Variants in ADAMTS9 observed in about 807,000 individuals in gnomAD.
ADAMTS9 encodes the protein A disintegrin and metalloproteinase with thrombospondin motifs 9.
Under a neutral mutation model 257.1 loss-of-function variants are expected in ADAMTS9, and 107 were observed. The observed-to-expected ratio is 0.42, with a 90% CI of 0.36 to 0.49. The LOEUF is 0.49. Ranked by LOEUF, ADAMTS9 falls within the 20% of genes least tolerant of loss-of-function variation. ADAMTS9 has a pLI of 0.03. For synonymous variants in ADAMTS9, 982 were observed against 880.9 expected, an observed-to-expected ratio of 1.11 and a Z score of -2.03; for missense variants, 2,353 against 2,469.1, an observed-to-expected ratio of 0.95 and a Z score of 1.00.
intron 28 of ADAMTS9, among the ~76,000 whole-genome samples, chr3:64,571,688 AT>A (rs1297687027): frequency 2.0e-5 from 3 of 152,226 alleles, no homozygotes; most frequent in Non-Finnish European, 2.9e-5. Context: ...CAATTAGGAA[AT>A]TCTCAAGGTA....
intron 31 of ADAMTS9, among the ~76,000 whole-genome samples, chr3:64,548,936 A>C (rs1299652806): frequency 6.6e-6 from 1 of 152,228 alleles, no homozygotes; most frequent in Non-Finnish European, 1.5e-5. Context: ...TAGAAAATGC[A>C]TGTGTCAATC....
chr3:64,623,558 T>C (rs4276176), intron 16 of ADAMTS9, among the ~76,000 whole-genome samples: 47,938 of 152,118 alleles, frequency 0.32, 11,015 homozygotes, highest in African/African-American at 0.63. Context: ...CATGAGAAAC[T>C]GAGAGATAGT....
intron 37 of ADAMTS9, among the ~76,000 whole-genome samples, chr3:64,537,402 G>C (rs541921175): frequency 6.0e-4 from 92 of 152,172 alleles, no homozygotes; most frequent in Non-Finnish European, 1.0e-3. Flanking sequence ...ATACCAATGG[G>C]GTTTTTGAAG....
At chr3:64,546,263 A>T (rs960837158) in intron 32 of ADAMTS9, among the ~76,000 whole-genome samples, 1 of 151,776 alleles carries the variant, frequency 6.6e-6, no homozygotes, top group African/African-American at 2.4e-5. Flanking sequence ...TCAGATTTGG[A>T]ATACTTGCAG....
At position 64,516,464 on chromosome 3, in the gene ADAMTS9, T is replaced by C. The variant is rs897863524; in HGVS notation, c.*663A>G. 1 of 152,640 alleles carries C rather than the reference T, an allele frequency of 6.6e-6. No homozygotes were observed. The highest frequency in any genetic ancestry group is 2.4e-5 in the African/African-American group (1 of 41,446). The allele number at this position is 152,640 out of a possible 1,614,324, so 9.5% of individuals were successfully genotyped here. ...TCCAAGTGATTCTGTGCACTGGAAATTGTCCTTCCGTTCCTCCCTTTCATT... is the reference window on the plus strand; with the variant it reads ...TCCAAGTGATTCTGTGCACTGGAAACTGTCCTTCCGTTCCTCCCTTTCATT... On this transcript the variant is annotated 3_prime_UTR_variant, in exon 40 of 40. Transcript: ENST00000498707.
intron 3 of ADAMTS9, among the ~76,000 whole-genome samples, chr3:64,659,833 G>A (rs1232470011): frequency 6.6e-6 from 1 of 152,018 alleles, no homozygotes; most frequent in African/African-American, 2.4e-5. Flanking sequence ...CAGTCTTGCT[G>A]CTCAGAGTAG....
rs72114712 is a variant in ADAMTS9, at chr3:64,639,292, TG to T, written c.1856+2555del. 4.2e-3 allele frequency among the ~76,000 whole-genome samples: 520 copies of T among 124,232 alleles called. 1 individual carries two copies. Among genetic ancestry groups the T allele is most frequent in the African/African-American group, 0.012 (341 of 28,652 alleles). The allele number at this position is 124,232 out of a possible 152,430, so 81.5% of individuals were successfully genotyped here. ...AGTGCTGACACTCAACTAGGTGGATTGTTTTTTTTTTTTTTTTTTTAAAAAA... is the reference window on the plus strand; with the variant it reads ...AGTGCTGACACTCAACTAGGTGGATTTTTTTTTTTTTTTTTTTTTAAAAAA... On this transcript the variant is annotated intron_variant, in intron 12 of 39. Transcript: ENST00000498707.
intron 4 of ADAMTS9, among the ~76,000 whole-genome samples, chr3:64,658,128 A>G (rs115318218): frequency 0.013 from 1,972 of 152,338 alleles, 30 homozygotes; most frequent in Middle Eastern, 0.027. Flanking sequence ...TAAAGGCCAC[A>G]GGCAGCGTCC....
At chr3:64,672,686 C>T (rs1701523547) in intron 3 of ADAMTS9, among the ~76,000 whole-genome samples, 1 of 151,960 alleles carries the variant, frequency 6.6e-6, no homozygotes, top group Admixed American at 6.6e-5. Flanking sequence ...CTCAAAACAA[C>T]AACAACAACA....
rs1202114347 is a variant in ADAMTS9 at position 64,594,284 on chromosome 3, C to A, written c.4330G>T (p.Ala1444Ser). 1 of 1,613,894 alleles carries A rather than the reference C, an allele frequency of 6.2e-7. No individual in the cohort carries two copies. Among genetic ancestry groups the A allele is most frequent in the East Asian group, 2.2e-5 (1 of 44,862 alleles). ...GAGCTCCAAGGGCCAGTACTCCATGCAGCGTCGTGTGGACAAGCATGTGTG... is the reference window on the plus strand; with the variant it reads ...GAGCTCCAAGGGCCAGTACTCCATGAAGCGTCGTGTGGACAAGCATGTGTG... ...CNTHACPHDA[A>S]WSTGPWSSCS... Residue 1444 changes from alanine to serine, a missense_variant, in exon 28 of 40, where the codon GCA (alanine) becomes TCA (serine). Ala to Ser is a moderately conservative substitution (Grantham distance 99). Transcript: ENST00000498707.
intron 16 of ADAMTS9, among the ~76,000 whole-genome samples, chr3:64,627,227 A>G (rs1302535452): frequency 6.6e-6 from 1 of 152,116 alleles, no homozygotes; most frequent in Non-Finnish European, 1.5e-5. Flanking sequence ...GTTTCCTTTC[A>G]TGCTTTGCTG....
intron 30 of ADAMTS9, among the ~76,000 whole-genome samples, chr3:64,559,039 G>T (rs1394897893): frequency 2.0e-5 from 3 of 152,176 alleles, no homozygotes; most frequent in African/African-American, 7.2e-5. Context: ...GGAGCCTGAA[G>T]GGTTCTGTCT....
At chr3:64,561,316 T>A in intron 30 of ADAMTS9, 1 of 319,886 alleles carries the variant, frequency 3.1e-6, no homozygotes, top group Non-Finnish European at 5.5e-6. Context: ...CCACAGCCTG[T>A]TAAAGTTTTT....
chr3:64,566,200 T>C (rs184516191), intron 29 of ADAMTS9, among the ~76,000 whole-genome samples: 310 of 152,328 alleles, frequency 2.0e-3, no homozygotes, highest in Non-Finnish European at 3.6e-3. Flanking sequence ...ATATTCTTGT[T>C]TACCACTGGA....
At chr3:64,616,830 G>T (rs561055088) in intron 19 of ADAMTS9, among the ~76,000 whole-genome samples, 2 of 152,142 alleles carry the variant, frequency 1.3e-5, no homozygotes, top group South Asian at 4.1e-4. Flanking sequence ...TGATTTCCTT[G>T]TACTCTTCAT....
chr3:64,551,677 T>C (rs1307017019), intron 30 of ADAMTS9, among the ~76,000 whole-genome samples: 2 of 152,200 alleles, frequency 1.3e-5, no homozygotes, highest in Non-Finnish European at 2.9e-5. Flanking sequence ...ATATTGACAC[T>C]TATGGCCAAA....
At chr3:64,624,503 C>A (rs1700183060) in intron 16 of ADAMTS9, among the ~76,000 whole-genome samples, 1 of 151,964 alleles carries the variant, frequency 6.6e-6, no homozygotes, top group South Asian at 2.1e-4. Flanking sequence ...AGAAAATTGA[C>A]AAGGAGGATG....
chr3:64,670,182 T>C (rs1449465833), intron 3 of ADAMTS9, among the ~76,000 whole-genome samples: 1 of 152,210 alleles, frequency 6.6e-6, no homozygotes, highest in Non-Finnish European at 1.5e-5. Context: ...CCTGTCTGCA[T>C]GCACATACAC....
chr3:64,519,227 G>T (rs1575970629), intron 39 of ADAMTS9, among the ~76,000 whole-genome samples: 1 of 152,224 alleles, frequency 6.6e-6, no homozygotes, highest in East Asian at 1.9e-4. Context: ...ACATTCTTGG[G>T]ATGTATTTCT....
Sources: gnomAD v4.1 joint callset for allele counts (sites outside exome capture counted in the v4.1 genomes callset) on GRCh38, gnomAD v4.1.1 for gene constraint, MANE v1.5 for transcripts, NCBI Gene and HGNC (gene_info 2026-07-23, HGNC 2026-07-21) for gene names.